The following PHF24 variants were observed in gnomAD, a reference collection of about 807,000 sequenced individuals.
The protein encoded by PHF24 is PHD finger protein 24.
PHF24 carries 25 observed loss-of-function variants against 42.6 expected under a neutral mutation model. The ratio of observed to expected loss-of-function variants is 0.59; its 90% CI spans 0.43 to 0.82. The LOEUF is 0.82. PHF24 is among the 40% of genes least tolerant of loss of function. The pLI is 0.00. For synonymous variants in PHF24, 185 were observed against 204.8 expected, an observed-to-expected ratio of 0.90 and a Z score of 0.83; for missense variants, 470 against 538.1, an observed-to-expected ratio of 0.87 and a Z score of 1.25.
the PHF24 span, among the ~76,000 whole-genome samples, chr9:34,739,116 A>G: frequency 6.6e-6 from 1 of 151,998 alleles, no homozygotes; most frequent in East Asian, 1.9e-4. Flanking sequence ...TGTTGTTTTG[A>G]GGTGATTTTC....
the PHF24 span, among the ~76,000 whole-genome samples, chr9:34,840,445 C>T: frequency 6.6e-6 from 1 of 151,702 alleles, no homozygotes; most frequent in African/African-American, 2.4e-5. Context: ...TCTTCTCCTT[C>T]TCCTCCTCCT....
chr9:34,856,802 G>C, the PHF24 span, among the ~76,000 whole-genome samples: 1 of 152,228 alleles, frequency 6.6e-6, no homozygotes, highest in Non-Finnish European at 1.5e-5. Context: ...CTGCCCCTTG[G>C]CAGAGCAGGT....
At chr9:34,867,306 A>G in the PHF24 span, among the ~76,000 whole-genome samples, 8 of 152,212 alleles carry the variant, frequency 5.3e-5, no homozygotes, top group African/African-American at 9.7e-5. Context: ...ATTACACCCC[A>G]TGTAAATCAC....
the PHF24 span, among the ~76,000 whole-genome samples, chr9:34,801,553 C>T: frequency 6.6e-6 from 1 of 152,086 alleles, no homozygotes; most frequent in African/African-American, 2.4e-5. Flanking sequence ...TGGTGAAACC[C>T]TGTCTCTACT....
the PHF24 span, chr9:34,723,296 G>C: frequency 6.4e-7 from 1 of 1,551,694 alleles, no homozygotes; most frequent in Middle Eastern, 1.7e-4. Flanking sequence ...GCAGTGGCGG[G>C]GGTAGCCCAG....
the PHF24 span, among the ~76,000 whole-genome samples, chr9:34,874,389 C>A: frequency 6.6e-6 from 1 of 152,088 alleles, no homozygotes; most frequent in Non-Finnish European, 1.5e-5. Flanking sequence ...ATTAATGGGA[C>A]GTATCTCAAA....
chr9:34,734,757 C>CA, the PHF24 span, among the ~76,000 whole-genome samples: 1 of 152,178 alleles, frequency 6.6e-6, no homozygotes, highest in Admixed American at 6.5e-5. Context: ...TTCAGGGGCA[C>CA]AGCCCCTGTC....
chr9:34,855,008 T>C, the PHF24 span, among the ~76,000 whole-genome samples: 1 of 152,372 alleles, frequency 6.6e-6, no homozygotes, highest in Non-Finnish European at 1.5e-5. Context: ...CTTGTTGAAT[T>C]GAATGCTTTA....
the PHF24 span, among the ~76,000 whole-genome samples, chr9:34,683,504 G>T: frequency 5.3e-5 from 8 of 152,190 alleles, no homozygotes; most frequent in African/African-American, 1.9e-4. Flanking sequence ...CCTATCCACA[G>T]TTCTATCCTG....
chr9:34,832,397 G>A, the PHF24 span: 45 of 1,089,584 alleles, frequency 4.1e-5, no homozygotes, highest in African/African-American at 4.2e-4. Flanking sequence ...GTTGTCTGGA[G>A]TGTAACCGAA....
the PHF24 span, among the ~76,000 whole-genome samples, chr9:34,778,758 C>T: frequency 6.6e-6 from 1 of 152,096 alleles, no homozygotes; most frequent in African/African-American, 2.4e-5. Flanking sequence ...CATTATAAAT[C>T]AACTAGACCT....
chr9:34,679,482 A>G, the PHF24 span, among the ~76,000 whole-genome samples: 275 of 152,318 alleles, frequency 1.8e-3, 2 homozygotes, highest in African/African-American at 6.3e-3. Context: ...CCTGAAAGAC[A>G]GTGGTGGGCG....
the PHF24 span, among the ~76,000 whole-genome samples, chr9:34,705,474 C>T: frequency 1.3e-5 from 2 of 152,220 alleles, no homozygotes; most frequent in East Asian, 1.9e-4. Flanking sequence ...TTTGTACAGA[C>T]GAGGTCTCAT....
chr9:34,976,848 TATCAGGA>T, intron 5 of PHF24, 108 bp downstream of exon 5: 1 of 1,031,164 alleles, frequency 9.7e-7, no homozygotes, highest in Non-Finnish European at 1.4e-6. Context: ...CAGGGACAAG[TATCAGGA>T]ATGGGCTCAG....
chr9:34,939,787 C>T, the PHF24 span, among the ~76,000 whole-genome samples: 1 of 152,288 alleles, frequency 6.6e-6, no homozygotes, highest in East Asian at 1.9e-4. Context: ...CTATGGTTCC[C>T]ACAGACCCTT....
chr9:34,684,321 C>G, the PHF24 span, among the ~76,000 whole-genome samples: 8 of 152,232 alleles, frequency 5.3e-5, no homozygotes, highest in South Asian at 1.2e-3. Flanking sequence ...GGGCTGGAAA[C>G]CTATGTGATG....
At chr9:34,889,406 A>G in the PHF24 span, 1 of 398,634 alleles carries the variant, frequency 2.5e-6, no homozygotes, top group Non-Finnish European at 4.4e-6. Flanking sequence ...CTTCCTCCTC[A>G]GTAGAAGGAG....
chr9:34,795,046 AATAAAG>A, the PHF24 span, among the ~76,000 whole-genome samples: 1 of 152,172 alleles, frequency 6.6e-6, no homozygotes, highest in African/African-American at 2.4e-5. Context: ...AAGGTTGAAA[AATAAAG>A]ATAAAGAAAA....
chr9:34,829,249 T>G, the PHF24 span, among the ~76,000 whole-genome samples: 1 of 152,170 alleles, frequency 6.6e-6, no homozygotes, highest in Admixed American at 6.5e-5. Flanking sequence ...ATGTGAGAAA[T>G]ACCATGATTG....
Sources: allele counts gnomAD v4.1 joint callset (sites outside exome capture counted in the v4.1 genomes callset), GRCh38; gene constraint gnomAD v4.1.1; transcripts MANE v1.5; gene names NCBI Gene and HGNC (gene_info 2026-07-23, HGNC 2026-07-21).